Variants in FARS2 observed in about 807,000 individuals in gnomAD.
FARS2 encodes phenylalanyl-tRNA synthetase 2, mitochondrial.
Under a neutral mutation model 46.4 loss-of-function variants are expected in FARS2, and 40 were observed. The observed-to-expected ratio is 0.86, with a 90% CI of 0.67 to 1.12. The LOEUF (loss-of-function observed/expected upper bound fraction) is 1.12. Ranked by LOEUF, FARS2 falls within the 50% of genes most tolerant of loss-of-function variation. FARS2 has a pLI of 0.00. For synonymous variants in FARS2, 234 were observed against 214.9 expected (o/e 1.09, Z -0.78); for missense variants, 513 against 567.9 (o/e 0.90, Z 0.98).
chr6:5,451,774 G>A (rs1456491421), intron 4 of FARS2: 1 of 152,238 alleles, frequency 6.6e-6, no homozygotes, highest in African/African-American at 2.4e-5. Flanking sequence ...GCAAGAGATG[G>A]AAAGGTAACA....
chr6:5,698,671 C>T (rs1387304960), intron 6 of FARS2, among the ~76,000 whole-genome samples: 1 of 152,200 alleles, frequency 6.6e-6, no homozygotes, highest in Admixed American at 6.5e-5. Flanking sequence ...CACCAGGCCT[C>T]ATATCACCTC....
intron 1 of FARS2, among the ~76,000 whole-genome samples, chr6:5,306,437 T>A (rs1360354883): frequency 6.6e-6 from 1 of 152,204 alleles, no homozygotes; most frequent in Non-Finnish European, 1.5e-5. Flanking sequence ...GCTCATTCCA[T>A]GGTGGCTTGA....
At chr6:5,399,164 T>A (rs1761095531) in intron 2 of FARS2, among the ~76,000 whole-genome samples, 1 of 136,570 alleles carries the variant, frequency 7.3e-6, no homozygotes, top group Admixed American at 7.7e-5. Context: ...ATTATTATTA[T>A]TATTATTATT....
the FARS2 span, among the ~76,000 whole-genome samples, chr6:5,255,101 G>C: frequency 2.0e-5 from 3 of 152,042 alleles, no homozygotes; most frequent in African/African-American, 7.2e-5. Flanking sequence ...CCAAACATAT[G>C]ACTATCTTGA....
At chr6:5,738,849 G>T (rs1761117864) in intron 6 of FARS2, among the ~76,000 whole-genome samples, 1 of 152,040 alleles carries the variant, frequency 6.6e-6, no homozygotes, top group South Asian at 2.1e-4. Context: ...ATCGTTGTCG[G>T]TTTTTTTCAT....
chr6:5,274,697 GTT>G (rs1324388738), intron 1 of FARS2, among the ~76,000 whole-genome samples: 1 of 152,038 alleles, frequency 6.6e-6, no homozygotes, highest in East Asian at 1.9e-4. Context: ...TAGTCTTTCT[GTT>G]TTATGCAGCT....
chr6:5,665,975 C>T (rs1057044211), intron 6 of FARS2, among the ~76,000 whole-genome samples: 6 of 152,120 alleles, frequency 3.9e-5, no homozygotes, highest in Admixed American at 1.3e-4. Flanking sequence ...TGGCTGTAAT[C>T]GCACAGGCAC....
Position 5,597,183 on chromosome 6 carries a change from A to ATGGCCAAAAAC in FARS2, c.1066-15984_1066-15974dup, listed in dbSNP as rs1375945635. On this transcript the variant is annotated intron_variant, in intron 5 of 6. Transcript: ENST00000274680. ...CTAAGTTTGGCATTTGACCCAACAGATGGCCAAAAACTTGTAAATATTCAC... is the reference window on the plus strand; with the variant it reads ...CTAAGTTTGGCATTTGACCCAACAGATGGCCAAAAACTGGCCAAAAACTTGTAAATATTCAC... Among the ~76,000 whole-genome samples, 8 of 152,320 alleles carry ATGGCCAAAAAC rather than the reference A, an allele frequency of 5.3e-5. No individual in the cohort carries two copies. The East Asian group carries it at 1.5e-3, about 29-fold the overall frequency.
rs1468487275 is a variant in FARS2, at chr6:5,311,005, G to T, written c.-22+49345G>T. Among the ~76,000 whole-genome samples the T allele has an allele frequency of 2.6e-5, 4 of 152,168 alleles. No homozygotes were observed. Among genetic ancestry groups the T allele is most frequent in the Admixed American group, 6.5e-5 (1 of 15,278 alleles). ...ACCATTAAAAAGTTACTCTTCTTCT[G>T]TGCTTCCAAAGGTTTGCTAAAATAC... On this transcript the variant is annotated intron_variant, in intron 1 of 6. Transcript: ENST00000274680. The surrounding 1 kb of genome is among the most constrained non-coding windows in gnomAD (Gnocchi z 4.1).
At chr6:5,438,896 G>T (rs1763684528) in intron 4 of FARS2, among the ~76,000 whole-genome samples, 1 of 152,196 alleles carries the variant, frequency 6.6e-6, no homozygotes, top group African/African-American at 2.4e-5. Flanking sequence ...CCAATGTCTG[G>T]ATCGTCCTGT....
intron 6 of FARS2, among the ~76,000 whole-genome samples, chr6:5,633,731 A>G (rs57249351): frequency 0.012 from 1,757 of 150,654 alleles, 20 homozygotes; most frequent in Middle Eastern, 0.038. Context: ...ATTTGCATCT[A>G]TTTATCAGAG....
At chr6:5,565,941 C>T (rs1008347904) in intron 5 of FARS2, among the ~76,000 whole-genome samples, 4 of 152,188 alleles carry the variant, frequency 2.6e-5, no homozygotes, top group Non-Finnish European at 5.9e-5. Context: ...ATGTTAACCC[C>T]AATTCGTTTA....
intron 6 of FARS2, among the ~76,000 whole-genome samples, chr6:5,641,460 CTAA>C (rs1206850567): frequency 6.6e-6 from 1 of 152,142 alleles, no homozygotes; most frequent in African/African-American, 2.4e-5. Context: ...CCACGCCCAG[CTAA>C]TGTTTGTATT....
chr6:5,541,224 A>G (rs1770611858), intron 4 of FARS2, among the ~76,000 whole-genome samples: 1 of 152,214 alleles, frequency 6.6e-6, no homozygotes, highest in Non-Finnish European at 1.5e-5. Flanking sequence ...TCCAGTTCAC[A>G]AGGAGATAAC....
chr6:5,444,233 C>T (rs657418), intron 4 of FARS2, among the ~76,000 whole-genome samples: 53,190 of 151,512 alleles, frequency 0.35, 10,099 homozygotes, highest in East Asian at 0.48. Context: ...CTTTGGGAGG[C>T]CAATGTGGGC....
chr6:5,404,667 G>A lies in FARS2; in HGVS notation c.738G>A (p.Thr246=), dbSNP rs777815118. 23 of 1,606,170 alleles carry A rather than the reference G, an allele frequency of 1.4e-5. No homozygotes were observed. The highest frequency in any genetic ancestry group is 5.4e-5 in the African/African-American group (4 of 74,714). The change falls in exon 3 of 7, where the codon ACG becomes ACA. Residue 246 remains threonine (T), a synonymous_variant. Coordinates refer to ENST00000274680, the MANE Select transcript of FARS2 (RefSeq NM_006567.5). ...TTGTAGAGTTTGATCTTAAGCAAAC[G>A]CTTACCAGGCTCATGGCACATCTTT... ...VKLVEFDLKQ[T]LTRLMAHLFG... is the part of the protein sequence containing the mutation.
At chr6:5,459,378 AT>A (rs10686556) in intron 4 of FARS2, among the ~76,000 whole-genome samples, 40 of 150,636 alleles carry the variant, frequency 2.7e-4, no homozygotes, top group South Asian at 8.4e-4. Context: ...GCAATTTATG[AT>A]TTTTTTTTTG....
intron 2 of FARS2, among the ~76,000 whole-genome samples, chr6:5,379,704 T>C (rs749086851): frequency 2.0e-5 from 3 of 152,192 alleles, no homozygotes; most frequent in Admixed American, 6.5e-5. Context: ...AGCACTATGC[T>C]ATGAAAATGA....
intron 1 of FARS2, chr6:5,272,447 G>A (rs529319349): frequency 6.6e-6 from 1 of 152,120 alleles, no homozygotes; most frequent in Non-Finnish European, 1.5e-5. Flanking sequence ...AATCAAGGAG[G>A]AAATGCAATC....
Sources: allele counts gnomAD v4.1 joint callset (sites outside exome capture counted in the v4.1 genomes callset), GRCh38; gene constraint gnomAD v4.1.1; non-coding constraint Gnocchi (gnomAD v3.1); transcripts MANE v1.5; gene names NCBI Gene and HGNC (gene_info 2026-07-23, HGNC 2026-07-21).